The following TMEM117 variants were observed in gnomAD, a reference collection of about 807,000 sequenced individuals.
TMEM117 encodes transmembrane protein 117.
TMEM117 carries 27 observed loss-of-function variants against 52.4 expected under a neutral mutation model. The ratio of observed to expected loss-of-function variants is 0.51; its 90% CI spans 0.38 to 0.71. The LOEUF is 0.71. Ranked by LOEUF, TMEM117 falls within the 30% of genes least tolerant of loss-of-function variation. The pLI is 0.00. For missense variants in TMEM117, 556 were observed against 630.5 expected (o/e 0.88, Z 1.26); for synonymous variants, 215 against 206.3 (o/e 1.04, Z -0.36).
At chr12:44,193,431 T>C (rs1268954740) in intron 4 of TMEM117, among the ~76,000 whole-genome samples, 1 of 152,184 alleles carries the variant, frequency 6.6e-6, no homozygotes, top group Non-Finnish European at 1.5e-5. Context: ...AGACAGGTAA[T>C]GAGTAGGACT....
chr12:44,172,948 C>T (rs1303612217), intron 4 of TMEM117, among the ~76,000 whole-genome samples: 3 of 152,340 alleles, frequency 2.0e-5, no homozygotes, highest in Middle Eastern at 6.8e-3. Flanking sequence ...TGGTCTCGAA[C>T]TCCTGACCTC....
rs548431858 is a variant in TMEM117, at chr12:43,848,179, C to A, written c.277+3251C>A. Among the ~76,000 whole-genome samples the A allele has an allele frequency of 1.5e-3, 234 of 152,162 alleles. 1 individual carries two copies. Among genetic ancestry groups the A allele is most frequent in the African/African-American group, 5.5e-3 (230 of 41,494 alleles). On this transcript the variant is annotated intron_variant, in intron 2 of 7. Transcript: ENST00000266534. ...CACAGGGCAAAGGGCAAAAGCAGAA[C>A]CACTGATAAGGGTCTATGTTCAGCA...
chr12:44,152,319 A>G (rs1948747614), intron 4 of TMEM117, among the ~76,000 whole-genome samples: 1 of 104,888 alleles, frequency 9.5e-6, no homozygotes, highest in Admixed American at 1.2e-4. Context: ...TAATCATATC[A>G]TATAAATATA....
chr12:43,946,406 T>TA lies in TMEM117; in HGVS notation c.410+2065dup, dbSNP rs1555186733. 7.1e-4 allele frequency among the ~76,000 whole-genome samples: 94 copies of TA among 131,792 alleles called. 2 individuals carry two copies. The highest frequency in any genetic ancestry group is 1.1e-3 in the African/African-American group (39 of 36,256). The allele number at this position is 131,792 out of a possible 152,430, so 86.5% of individuals were successfully genotyped here. Reference sequence around the variant, plus strand: ...TTTTTTTTTTTTTTGTTTGTTTTTTTATCTAGAGCTAATGAGGTCTGTGCT... The same window carrying TA: ...TTTTTTTTTTTTTTGTTTGTTTTTTTAATCTAGAGCTAATGAGGTCTGTGCT... On this transcript the variant is annotated intron_variant, in intron 3 of 7. Coordinates refer to ENST00000266534, the MANE Select transcript of TMEM117 (RefSeq NM_032256.3).
intron 4 of TMEM117, among the ~76,000 whole-genome samples, chr12:44,192,351 G>A (rs1949366215): frequency 1.3e-5 from 2 of 152,156 alleles, no homozygotes; most frequent in South Asian, 2.1e-4. Context: ...GTTTTCATAA[G>A]GAGATTACCA....
intron 5 of TMEM117, among the ~76,000 whole-genome samples, chr12:44,282,784 C>A (rs1487049700): frequency 6.6e-6 from 1 of 152,190 alleles, no homozygotes; most frequent in African/African-American, 2.4e-5. Flanking sequence ...TAATGTGAAT[C>A]CCCAAGACCA....
chr12:43,931,133 A>G (rs1357052225), intron 2 of TMEM117, among the ~76,000 whole-genome samples: 1 of 152,370 alleles, frequency 6.6e-6, no homozygotes, highest in East Asian at 1.9e-4. Context: ...ACACAGGACT[A>G]AGAATAGTTT....
chr12:44,298,543 C>T (rs908727774), intron 5 of TMEM117, among the ~76,000 whole-genome samples: 1 of 150,698 alleles, frequency 6.6e-6, no homozygotes, highest in Non-Finnish European at 1.5e-5. Context: ...CATTTCAGAT[C>T]TACTTTAAAA....
intron 6 of TMEM117, among the ~76,000 whole-genome samples, chr12:44,332,694 TAAAC>T (rs1216431773): frequency 6.8e-6 from 1 of 146,342 alleles, no homozygotes; most frequent in Non-Finnish European, 1.5e-5. Context: ...AAAAACAAAT[TAAAC>T]AAACTACTGT....
chr12:44,202,182 GGAGT>G (rs1565585589), intron 4 of TMEM117, among the ~76,000 whole-genome samples: 1 of 151,822 alleles, frequency 6.6e-6, no homozygotes, highest in Non-Finnish European at 1.5e-5. Context: ...CTCATAGTAG[GGAGT>G]AAGTAAAATC....
intron 5 of TMEM117, among the ~76,000 whole-genome samples, chr12:44,236,991 G>A (rs781005589): frequency 2.2e-4 from 34 of 152,138 alleles, no homozygotes; most frequent in Non-Finnish European, 4.6e-4. Context: ...TGAATCATGA[G>A]CGGTTCAAGG....
intron 2 of TMEM117, among the ~76,000 whole-genome samples, chr12:43,930,790 T>A (rs560379425): frequency 9.8e-5 from 15 of 152,348 alleles, no homozygotes; most frequent in African/African-American, 3.6e-4. Flanking sequence ...GATTTTAAGA[T>A]CTTTTTTGTC....
At chr12:44,031,087 T>G (rs1359446544) in intron 3 of TMEM117, among the ~76,000 whole-genome samples, 1 of 152,188 alleles carries the variant, frequency 6.6e-6, no homozygotes, top group Non-Finnish European at 1.5e-5. Context: ...ACATCAATAA[T>G]GCACTAATGC....
chr12:43,945,902 G>T (rs1335305722), intron 3 of TMEM117, among the ~76,000 whole-genome samples: 1 of 152,112 alleles, frequency 6.6e-6, no homozygotes, highest in Non-Finnish European at 1.5e-5. Flanking sequence ...TGAGAGGGAA[G>T]CTCATTTAGA....
At chr12:44,300,344 G>A (rs1950824212) in intron 6 of TMEM117, among the ~76,000 whole-genome samples, 1 of 152,116 alleles carries the variant, frequency 6.6e-6, no homozygotes, top group Non-Finnish European at 1.5e-5. Context: ...TGGCGTTTTA[G>A]GACTATTCTT....
At chr12:44,383,534 A>G (rs1160236242) in intron 7 of TMEM117, among the ~76,000 whole-genome samples, 3 of 152,222 alleles carry the variant, frequency 2.0e-5, no homozygotes, top group African/African-American at 7.2e-5. Context: ...ATTTCTCATT[A>G]GAGGAGATAG....
At chr12:44,274,502 A>G (rs1950488183) in intron 5 of TMEM117, among the ~76,000 whole-genome samples, 1 of 152,096 alleles carries the variant, frequency 6.6e-6, no homozygotes. Flanking sequence ...CCAAAGCTAT[A>G]TTAAGCAAAA....
the TMEM117 span, chr12:43,798,550 T>C: frequency 6.6e-6 from 10 of 1,520,994 alleles, no homozygotes; most frequent in East Asian, 4.9e-5. Flanking sequence ...TCATAGAACA[T>C]ATGCGAATGC....
chr12:43,980,906 T>C (rs1425814509), intron 3 of TMEM117, among the ~76,000 whole-genome samples: 1 of 152,184 alleles, frequency 6.6e-6, no homozygotes, highest in Non-Finnish European at 1.5e-5. Context: ...TAACAAACAT[T>C]GTTGACTCCC....
Sources: gnomAD v4.1 joint callset for allele counts (sites outside exome capture counted in the v4.1 genomes callset) on GRCh38, gnomAD v4.1.1 for gene constraint, MANE v1.5 for transcripts, NCBI Gene and HGNC (gene_info 2026-07-23, HGNC 2026-07-21) for gene names.